SLC22A3: variants seen among roughly 807,000 people sequenced by gnomAD.
The protein encoded by SLC22A3 is solute carrier family 22 member 3.
SLC22A3 carries 51 observed loss-of-function variants against 59.1 expected under a neutral mutation model. The observed-to-expected ratio is 0.86, with a 90% CI of 0.69 to 1.09. The LOEUF is 1.09. Among genes scored for constraint, SLC22A3 ranks in the 50% least tolerant of loss-of-function variants. SLC22A3 has a pLI of 0.00. For missense variants in SLC22A3, 711 were observed against 726.3 expected (o/e 0.98, Z 0.24); for synonymous variants, 325 against 292.0 (o/e 1.11, Z -1.15).
chr6:160,398,781 C>T (rs938433706), intron 2 of SLC22A3, among the ~76,000 whole-genome samples: 1 of 152,192 alleles, frequency 6.6e-6, no homozygotes, highest in Non-Finnish European at 1.5e-5. Context: ...TAATATTCCT[C>T]TCTATCCCCC....
At chr6:160,356,535 A>G (rs1784847180) in intron 1 of SLC22A3, among the ~76,000 whole-genome samples, 1 of 152,206 alleles carries the variant, frequency 6.6e-6, no homozygotes, top group African/African-American at 2.4e-5. Context: ...GCAGCTGGGC[A>G]CAGGTGCAAG....
At chr6:160,362,720 G>A (rs1017915254) in intron 1 of SLC22A3, among the ~76,000 whole-genome samples, 1 of 152,198 alleles carries the variant, frequency 6.6e-6, no homozygotes, top group Non-Finnish European at 1.5e-5. Context: ...CTGTGTCCAG[G>A]GCATGAGCCT....
chr6:160,387,174 T>C (rs763804326), intron 1 of SLC22A3, among the ~76,000 whole-genome samples: 11 of 152,144 alleles, frequency 7.2e-5, no homozygotes, highest in Non-Finnish European at 1.6e-4. Flanking sequence ...GCCAGGGGCA[T>C]GCAGAGCCAG....
intron 5 of SLC22A3, among the ~76,000 whole-genome samples, chr6:160,423,687 G>C (rs1448205305): frequency 6.6e-6 from 1 of 151,740 alleles, no homozygotes; most frequent in Non-Finnish European, 1.5e-5. Flanking sequence ...GTTTTTTCTT[G>C]CAAATTTGAG....
At chr6:160,365,128 T>G (rs1785161822) in intron 1 of SLC22A3, among the ~76,000 whole-genome samples, 1 of 152,226 alleles carries the variant, frequency 6.6e-6, no homozygotes, top group Admixed American at 6.5e-5. Context: ...TCTCTGGGTT[T>G]ATTTTGACTA....
chr6:160,372,126 C>G (rs1026971960), intron 1 of SLC22A3, among the ~76,000 whole-genome samples: 1 of 152,046 alleles, frequency 6.6e-6, no homozygotes, highest in Non-Finnish European at 1.5e-5. Context: ...TTGTAGGTCT[C>G]GAAGAACTTG....
intron 1 of SLC22A3, among the ~76,000 whole-genome samples, chr6:160,373,087 T>C (rs1785458514): frequency 6.6e-6 from 1 of 152,256 alleles, no homozygotes; most frequent in African/African-American, 2.4e-5. Context: ...AGCAGTGTCC[T>C]GGCTTTTGGA....
rs1789009803 is a variant in SLC22A3, at chr6:160,452,571, T to TA, written c.*1521dup. The TA allele has an allele frequency of 6.6e-6, 1 of 152,172 alleles. No homozygotes were observed. Among genetic ancestry groups the TA allele is most frequent in the Non-Finnish European group, 1.5e-5 (1 of 68,032 alleles). The allele number at this position is 152,172 out of a possible 1,614,324, so 9.4% of individuals were successfully genotyped here. On this transcript the variant is annotated 3_prime_UTR_variant, in exon 11 of 11. Transcript: ENST00000275300. ...TGGTAACAATTAAAATTTTAAATCGTAAAAAATGTACATTTGCCCTTTCTC... is the reference window on the plus strand; with the variant it reads ...TGGTAACAATTAAAATTTTAAATCGTAAAAAAATGTACATTTGCCCTTTCTC...
chr6:160,431,861 G>A (rs1242468969), intron 5 of SLC22A3, among the ~76,000 whole-genome samples: 1 of 152,166 alleles, frequency 6.6e-6, no homozygotes, highest in Non-Finnish European at 1.5e-5. Flanking sequence ...TGGACAATAA[G>A]GACATTCACT....
rs3066966 is a variant in SLC22A3, at chr6:160,433,515, TCTACTA to T, written c.976-3235_976-3230del. Among the ~76,000 whole-genome samples the T allele has an allele frequency of 3.7e-3, 542 of 146,934 alleles. 1 individual carries two copies. Among genetic ancestry groups the T allele is most frequent in the African/African-American group, 0.013 (497 of 39,444 alleles). On this transcript the variant is annotated intron_variant, in intron 5 of 10. Transcript: ENST00000275300. ...CTGGGCAACACAGCAAGACCCTGTCTCTACTACTACTACTACTACTACTACTACTAC... is the reference window on the plus strand; with the variant it reads ...CTGGGCAACACAGCAAGACCCTGTCTCTACTACTACTACTACTACTACTAC...
At chr6:160,403,112 TC>T (rs1303531906) in intron 2 of SLC22A3, among the ~76,000 whole-genome samples, 1 of 150,426 alleles carries the variant, frequency 6.6e-6, no homozygotes, top group Non-Finnish European at 1.5e-5. Flanking sequence ...TTTGAAACGA[TC>T]AAAAAAAATC....
chr6:160,386,814 T>A (rs982605630), intron 1 of SLC22A3, among the ~76,000 whole-genome samples: 1 of 152,236 alleles, frequency 6.6e-6, no homozygotes, highest in African/African-American at 2.4e-5. Flanking sequence ...GAGCCTCTTA[T>A]GGGACTGGAA....
chr6:160,417,659 T>G (rs1419335430), intron 5 of SLC22A3, among the ~76,000 whole-genome samples: 1 of 152,242 alleles, frequency 6.6e-6, no homozygotes. Context: ...GGCAATGATA[T>G]TGCTTTGGCC....
intron 1 of SLC22A3, among the ~76,000 whole-genome samples, chr6:160,390,546 G>A (rs1786214720): frequency 6.6e-6 from 1 of 151,952 alleles, no homozygotes; most frequent in Non-Finnish European, 1.5e-5. Context: ...TATCTTGCGG[G>A]TCCAGGCTGA....
chr6:160,401,598 G>C (rs531078137), intron 2 of SLC22A3, among the ~76,000 whole-genome samples: 1 of 151,900 alleles, frequency 6.6e-6, no homozygotes, highest in African/African-American at 2.4e-5. Context: ...TAAAGGAAAG[G>C]CATTGGAGAG....
Position 160,447,790 on chromosome 6 carries a change from A to T in SLC22A3, c.1582A>T (p.Thr528Ser), listed in dbSNP as rs774927465. The T allele has an allele frequency of 1.2e-6, 2 of 1,614,098 alleles. No homozygotes were observed. Among genetic ancestry groups the T allele is most frequent in the South Asian group, 2.2e-5 (2 of 91,080 alleles). Residue 528 changes from threonine to serine, a missense_variant, in exon 10 of 11, where the codon ACA becomes TCA. Thr to Ser is a moderately conservative substitution (Grantham distance 58). Coordinates refer to ENST00000275300, the MANE Select transcript of SLC22A3 (RefSeq NM_021977.4). ...AACCAAGGGTATTGCCTTGCCAGAG[A>T]CAGTGGATGATGTAGAAAAACTTGG... ...PETKGIALPETVDDVEKLGSP... is the reference protein window; with the variant it reads ...PETKGIALPESVDDVEKLGSP...
chr6:160,446,464 A>C (rs1395369357), intron 9 of SLC22A3, among the ~76,000 whole-genome samples: 5 of 152,222 alleles, frequency 3.3e-5, no homozygotes, highest in Admixed American at 6.5e-5. Flanking sequence ...TCATGGTGGA[A>C]GGGGAAGCAG....
chr6:160,447,727 G>C lies in SLC22A3; in HGVS notation c.1519G>C (p.Ala507Pro). 6.2e-7 allele frequency: 1 copy of C among 1,613,888 alleles called. No individual in the cohort carries two copies. The highest frequency in any genetic ancestry group is 8.5e-7 in the Non-Finnish European group (1 of 1,179,842). The part of the protein sequence containing the change: ...ELPLIIFGIL[A>P]SICGGLVMLL... ...TTTCCCCTATTCCATAGGTATCCTGGCATCCATCTGTGGTGGCCTTGTGAT... is the reference window on the plus strand; with the variant it reads ...TTTCCCCTATTCCATAGGTATCCTGCCATCCATCTGTGGTGGCCTTGTGAT... The change falls in exon 10 of 11, where the codon GCA (alanine) becomes CCA (proline). Residue 507 changes from alanine to proline, a missense_variant. Ala to Pro is a conservative substitution (Grantham distance 27). Coordinates refer to ENST00000275300, the MANE Select transcript of SLC22A3 (RefSeq NM_021977.4).
rs1468759821 is a variant in SLC22A3, at chr6:160,383,613, A to T, written c.430-14366A>T. Among the ~76,000 whole-genome samples the T allele has an allele frequency of 2.6e-5, 4 of 152,300 alleles. 1 individual carries two copies. In the South Asian group the frequency reaches 8.3e-4, roughly 32 times the overall value. On this transcript the variant is annotated intron_variant, in intron 1 of 10. Coordinates refer to ENST00000275300, the MANE Select transcript of SLC22A3 (RefSeq NM_021977.4). ...CATAAAAATAAAACACAATCAATAC[A>T]AAAAGAAATGGATAAAACGCAAATG... is the stretch of plus-strand genomic sequence containing the variant.
Sources: allele counts gnomAD v4.1 joint callset (sites outside exome capture counted in the v4.1 genomes callset), GRCh38; gene constraint gnomAD v4.1.1; transcripts MANE v1.5; gene names NCBI Gene and HGNC (gene_info 2026-07-23, HGNC 2026-07-21).